The following PCTP variants were observed in gnomAD, a reference collection of about 807,000 sequenced individuals.
PCTP encodes phosphatidylcholine transfer protein.
Under a neutral mutation model 31.0 loss-of-function variants are expected in PCTP, and 27 were observed. The ratio of observed to expected loss-of-function variants is 0.87; its 90% CI spans 0.64 to 1.20. The LOEUF (loss-of-function observed/expected upper bound fraction) is 1.20, where lower values mean the gene tolerates loss of function less well. PCTP is among the 50% of genes most tolerant of loss of function. The pLI is 0.00. For missense variants in PCTP, 287 were observed against 268.2 expected (o/e 1.07, Z -0.49); for synonymous variants, 108 against 101.2 (o/e 1.07, Z -0.40).
intron 3 of PCTP, among the ~76,000 whole-genome samples, chr17:55,816,804 A>G (rs1466143532): frequency 6.6e-6 from 1 of 152,210 alleles, no homozygotes; most frequent in Non-Finnish European, 1.5e-5. Flanking sequence ...AGACCATGTA[A>G]TTTATTCCCA....
intron 5 of PCTP, among the ~76,000 whole-genome samples, chr17:55,833,178 G>A (rs1399255604): frequency 6.6e-6 from 1 of 152,178 alleles, no homozygotes; most frequent in African/African-American, 2.4e-5. Flanking sequence ...TTAGAGCCAA[G>A]AGTGATCTAA....
chr17:55,763,008 A>G (rs1910422122), intron 1 of PCTP, among the ~76,000 whole-genome samples: 1 of 152,200 alleles, frequency 6.6e-6, no homozygotes, highest in Admixed American at 6.5e-5. Flanking sequence ...AGCATTAGAA[A>G]AGTATCCATT....
chr17:55,781,310 T>A (rs563292451), downstream of PCTP, among the ~76,000 whole-genome samples: 1 of 152,378 alleles, frequency 6.6e-6, no homozygotes, highest in Non-Finnish European at 1.5e-5. Context: ...TTTGTCTATG[T>A]TGGAAATCTT....
At chr17:55,809,270 T>C (rs7223534) in intron 3 of PCTP, among the ~76,000 whole-genome samples, 24,394 of 152,160 alleles carry the variant, frequency 0.16, 4,683 homozygotes, top group African/African-American at 0.46. Flanking sequence ...AAATTTAGAT[T>C]GAGTTGACTT....
At chr17:55,830,748 C>T (rs1047040711) in intron 5 of PCTP, among the ~76,000 whole-genome samples, 7 of 152,106 alleles carry the variant, frequency 4.6e-5, no homozygotes, top group African/African-American at 1.7e-4. Context: ...GAGAAATACA[C>T]AGAAAAATGA....
At chr17:55,826,296 T>C (rs1355262465), downstream of PCTP, among the ~76,000 whole-genome samples, 1 of 152,132 alleles carries the variant, frequency 6.6e-6, no homozygotes, top group Non-Finnish European at 1.5e-5. Context: ...GGTACAGAAG[T>C]ACTTGAGTGT....
At chr17:55,783,080 A>G (rs889155548) in intron 2 of PCTP, among the ~76,000 whole-genome samples, 2 of 152,204 alleles carry the variant, frequency 1.3e-5, no homozygotes, top group Non-Finnish European at 2.9e-5. Flanking sequence ...CCAAAAAAAA[A>G]TGTATTCTCA....
chr17:55,766,503 T>G lies in PCTP; in HGVS notation c.142-832T>G, dbSNP rs1203411198. Among the ~76,000 whole-genome samples, 3 of 144,468 alleles carry G rather than the reference T, an allele frequency of 2.1e-5. No homozygotes were observed. The Admixed American group carries it at 2.1e-4, about 10-fold the overall frequency. 94.8% of individuals were successfully genotyped at this position (144,468 alleles called of 152,430 possible). A position where few individuals can be genotyped will look rare whatever the true frequency, so the allele number is the denominator to read the frequency against. On this transcript the variant is annotated intron_variant, in intron 1 of 5. Transcript: ENST00000268896. ...TTCAATTCCCACCTATGAGTGAGAATATGTGGTGTTTGGTTTTTTGTTCTT... is the reference window on the plus strand; with the variant it reads ...TTCAATTCCCACCTATGAGTGAGAAGATGTGGTGTTTGGTTTTTTGTTCTT...
At chr17:55,787,958 A>G (rs1911811701) in intron 3 of PCTP, among the ~76,000 whole-genome samples, 1 of 152,254 alleles carries the variant, frequency 6.6e-6, no homozygotes, top group African/African-American at 2.4e-5. Flanking sequence ...GTTGAGAGGG[A>G]CACTCAGAGT....
chr17:55,754,718 T>C (rs1909908859), intron 1 of PCTP, among the ~76,000 whole-genome samples: 1 of 152,150 alleles, frequency 6.6e-6, no homozygotes, highest in South Asian at 2.1e-4. Context: ...GGACCCTCCC[T>C]GGAATGAAGT....
At chr17:55,795,974 G>A (rs1388500765) in intron 3 of PCTP, among the ~76,000 whole-genome samples, 4 of 152,004 alleles carry the variant, frequency 2.6e-5, no homozygotes, top group Non-Finnish European at 5.9e-5. Context: ...AAGTGTTCTG[G>A]TGATAGAGAT....
At chr17:55,763,654 A>G (rs541468014) in intron 1 of PCTP, among the ~76,000 whole-genome samples, 6 of 152,302 alleles carry the variant, frequency 3.9e-5, no homozygotes, top group Non-Finnish European at 7.4e-5. Context: ...GTACAGATGT[A>G]TTTATTTACT....
chr17:55,771,178 A>G lies in PCTP; in HGVS notation c.332A>G (p.Asn111Ser), dbSNP rs1181691216. 6.2e-7 allele frequency: 1 copy of G among 1,606,096 alleles called. No individual in the cohort carries two copies. The highest frequency in any genetic ancestry group is 8.5e-7 in the Non-Finnish European group (1 of 1,172,756). Residue 111 changes from asparagine to serine, a missense_variant, in exon 3 of 6, where the codon AAC becomes AGC. Transcript: ENST00000268896. The part of the protein sequence containing the change: ...WEVKYPFPMS[N>S]RDYVYLRQRR... ...GTGAAGTACCCTTTTCCCATGTCCAACAGAGACGTATCCTTTCCACAAGGT... is the reference window on the plus strand; with the variant it reads ...GTGAAGTACCCTTTTCCCATGTCCAGCAGAGACGTATCCTTTCCACAAGGT...
chr17:55,752,466 C>T (rs528485832), intron 1 of PCTP, among the ~76,000 whole-genome samples: 97 of 152,246 alleles, frequency 6.4e-4, no homozygotes, highest in African/African-American at 2.2e-3. Flanking sequence ...GAAGAATTAT[C>T]CAGTCCCAAA....
At chr17:55,841,090 T>C (rs1905967630) in intron 5 of PCTP, among the ~76,000 whole-genome samples, 2 of 152,260 alleles carry the variant, frequency 1.3e-5, no homozygotes, top group East Asian at 3.9e-4. Flanking sequence ...TGTATGTGTG[T>C]TTGCAAGAGA....
At chr17:55,833,340 T>A (rs1418361257) in intron 5 of PCTP, among the ~76,000 whole-genome samples, 1 of 152,238 alleles carries the variant, frequency 6.6e-6, no homozygotes, top group Non-Finnish European at 1.5e-5. Flanking sequence ...AAATTTATAC[T>A]TTTGAAGGAA....
the PCTP span, among the ~76,000 whole-genome samples, chr17:55,848,363 G>A: frequency 6.6e-6 from 1 of 152,192 alleles, no homozygotes; most frequent in African/African-American, 2.4e-5. Flanking sequence ...GTACCTCATA[G>A]GTGAGAAGTA....
In PCTP at chr17:55,784,942, C is replaced by T. The variant is rs562381006; in HGVS notation, c.229-2624C>T. On this transcript the variant is annotated intron_variant, in intron 2 of 3. Coordinates refer to the PCTP transcript ENST00000572536. ...TCTTTGCATTTACTGTCCCCAACAT[C>T]TGGAATGCTCTTCCCCACATCTGTA... Among the ~76,000 whole-genome samples the T allele has an allele frequency of 9.2e-5, 14 of 152,354 alleles. No homozygotes were observed. In the South Asian group the frequency reaches 2.9e-3, roughly 32 times the overall value.
At chr17:55,844,906 G>A (rs60585232), downstream of PCTP, among the ~76,000 whole-genome samples, 7,248 of 151,556 alleles carry the variant, frequency 0.048, 503 homozygotes, top group African/African-American at 0.16. Context: ...TGACCAACAT[G>A]GTGAAACCCT....
Sources: allele counts gnomAD v4.1 joint callset (sites outside exome capture counted in the v4.1 genomes callset), GRCh38; gene constraint gnomAD v4.1.1; transcripts MANE v1.5; gene names NCBI Gene and HGNC (gene_info 2026-07-23, HGNC 2026-07-21).